The following SRSF6 variants were observed in gnomAD, a reference collection of about 807,000 sequenced individuals.
The protein encoded by SRSF6 is serine and arginine rich splicing factor 6.
SRSF6 carries 17 observed loss-of-function variants against 42.0 expected under a neutral mutation model. The observed-to-expected ratio is 0.40, with a 90% CI of 0.28 to 0.61. The LOEUF (loss-of-function observed/expected upper bound fraction) is 0.61. SRSF6 is among the 20% of genes least tolerant of loss of function. The pLI is 0.37. For missense variants in SRSF6, 379 were observed against 471.4 expected (o/e 0.80, Z 1.81); for synonymous variants, 204 against 166.7 (o/e 1.22, Z -1.72).
intron 2 of SRSF6, chr20:43,459,434 G>A (rs2145322447): frequency 3.2e-6 from 4 of 1,253,698 alleles, no homozygotes; most frequent in Non-Finnish European, 4.1e-6. Context: ...AGTACTTAGT[G>A]TAAAACTAGT....
rs1406447674 is a variant in SRSF6 at position 43,461,517 on chromosome 20, A to G, written c.*454A>G. Reference sequence around the variant, plus strand: ...TTATGTTGGCTTTTTATAAAGCTTGAGTTATGTAAGATTTAAATAAAAGTT... The same window carrying G: ...TTATGTTGGCTTTTTATAAAGCTTGGGTTATGTAAGATTTAAATAAAAGTT... On this transcript the variant is annotated 3_prime_UTR_variant, in exon 6 of 6. Coordinates refer to ENST00000244020, the MANE Select transcript of SRSF6 (RefSeq NM_006275.6). The G allele has an allele frequency of 6.5e-6, 1 of 152,916 alleles. No individual in the cohort carries two copies. Among genetic ancestry groups the G allele is most frequent in the Non-Finnish European group, 1.5e-5 (1 of 68,462 alleles). 9.5% of individuals were successfully genotyped at this position (152,916 alleles called of 1,614,324 possible).
At position 43,461,197 on chromosome 20, in the gene SRSF6, C is replaced by T. The variant is rs2017584297; in HGVS notation, c.*134C>T. 7.7e-7 allele frequency: 1 copy of T among 1,296,754 alleles called. No homozygotes were observed. The highest frequency in any genetic ancestry group is 2.7e-5 in the East Asian group (1 of 37,302). The allele number at this position is 1,296,754 out of a possible 1,614,324, so 80.3% of individuals were successfully genotyped here. ...GGGCACACAGAAATTTGATTTGTGG[C>T]CAAATTGGATGAAAAAGATGAGGCT... On this transcript the variant is annotated 3_prime_UTR_variant, in exon 6 of 6. Transcript: ENST00000244020.
Position 43,462,978 on chromosome 20 carries a change from C to G in SRSF6, c.*1915C>G, listed in dbSNP as rs1030691404. The G allele has an allele frequency of 3.3e-5, 5 of 152,578 alleles. No homozygotes were observed. The highest frequency in any genetic ancestry group is 1.2e-4 in the African/African-American group (5 of 41,438). The allele number at this position is 152,578 out of a possible 1,614,324, so 9.5% of individuals were successfully genotyped here. A position where few individuals can be genotyped will look rare whatever the true frequency, so the allele number is the denominator to read the frequency against. ...GCTTTGACCAAAGTTCTCTTGTTTT[C>G]AGGGAAAGAACATAAAAGCTTTTTG... On this transcript the variant is annotated 3_prime_UTR_variant, in exon 6 of 6. Transcript: ENST00000244020.
rs967607710 is a variant in SRSF6 at position 43,462,492 on chromosome 20, A to G, written c.*1429A>G. 4 of 152,216 alleles carry G rather than the reference A, an allele frequency of 2.6e-5. No individual in the cohort carries two copies. The South Asian group carries it at 6.2e-4, about 24-fold the overall frequency. The allele number at this position is 152,216 out of a possible 1,614,324, so 9.4% of individuals were successfully genotyped here. A position where few individuals can be genotyped will look rare whatever the true frequency, so the allele number is the denominator to read the frequency against. ...TAATACCTTTCTAGGAGGTGTCACA[A>G]TGTAGGGTACCAAGGGTTGGATTGT... is the stretch of plus-strand genomic sequence containing the variant. On this transcript the variant is annotated 3_prime_UTR_variant, in exon 6 of 6. Coordinates refer to ENST00000244020, the MANE Select transcript of SRSF6 (RefSeq NM_006275.6).
chr20:43,458,654 C>G, intron 2 of SRSF6, 145 bp downstream of exon 2: 2 of 867,376 alleles, frequency 2.3e-6, no homozygotes, highest in Non-Finnish European at 3.3e-6. Flanking sequence ...TCACGTCTGC[C>G]CGGGGCAGCC....
Position 43,461,338 on chromosome 20 carries a change from T to TTTTTTTTG in SRSF6, c.*282_*283insGTTTTTTT. On this transcript the variant is annotated 3_prime_UTR_variant, in exon 6 of 6. Coordinates refer to ENST00000244020, the MANE Select transcript of SRSF6 (RefSeq NM_006275.6). ...TAAAGATTAAGCTCATTTAGTGTTG[T>TTTTTTTTG]TTTTTTTTTTTTTTTTTTTTTTTTT... The TTTTTTTTG allele has an allele frequency of 6.5e-5, 1 of 15,342 alleles. No homozygotes were observed. The highest frequency in any genetic ancestry group is 1.4e-4 in the African/African-American group (1 of 7,180). The allele number at this position is 15,342 out of a possible 1,614,324, so 1.0% of individuals were successfully genotyped here.
chr20:43,463,607 G>C lies in SRSF6; in HGVS notation c.*2544G>C, dbSNP rs1409969352. 6.6e-6 allele frequency: 1 copy of C among 152,642 alleles called. No individual in the cohort carries two copies. The highest frequency in any genetic ancestry group is 1.5e-5 in the Non-Finnish European group (1 of 68,064). The allele number at this position is 152,642 out of a possible 1,614,324, so 9.5% of individuals were successfully genotyped here. On this transcript the variant is annotated 3_prime_UTR_variant, in exon 6 of 6. Transcript: ENST00000244020. The stretch of plus-strand genomic sequence containing the variant: ...CAATAAAATACTTACTGAGGGAAAG[G>C]CTTGTTTTGAGTTTATTGCATATGC...
rs2017622844 is a variant in SRSF6, at chr20:43,462,659, C to T, written c.*1596C>T. 6.6e-6 allele frequency: 1 copy of T among 152,114 alleles called. No individual in the cohort carries two copies. Among genetic ancestry groups the T allele is most frequent in the Non-Finnish European group, 1.5e-5 (1 of 68,016 alleles). The allele number at this position is 152,114 out of a possible 1,614,324, so 9.4% of individuals were successfully genotyped here. The stretch of plus-strand genomic sequence containing the variant: ...AAAAATTTGAGTCAAATATCTAGGG[C>T]ATTCACAGAGTAGCTGTGAGTTCTT... On this transcript the variant is annotated 3_prime_UTR_variant, in exon 6 of 6. Transcript: ENST00000244020.
In SRSF6 at chr20:43,460,515, G is replaced by A. The variant is rs377303167; in HGVS notation, c.591G>A (p.Arg197=). The change falls in exon 5 of 6, where the codon AGG becomes AGA. Residue 197 remains arginine, a splice_region_variant and synonymous_variant. Transcript: ENST00000244020. ...HRRSYSGSRS[R]SRSRRRSRSR... ...GACTTCATTGTTTTTCTCCTAATAGGTCTCGATCTAGAAGACGGTCACGAA... is the reference window on the plus strand; with the variant it reads ...GACTTCATTGTTTTTCTCCTAATAGATCTCGATCTAGAAGACGGTCACGAA... 78 of 1,613,800 alleles carry A rather than the reference G, an allele frequency of 4.8e-5. No homozygotes were observed. The African/African-American group carries it at 9.5e-4, about 20-fold the overall frequency.
In SRSF6 at chr20:43,458,374, G is replaced by T; in HGVS notation, c.121G>T (p.Glu41Ter). ...VDLKNGYGFV[E>*]FEDSRDADDA... ...CACCGCCCCTAGGTACGGCTTCGTG[G>T]AGTTCGAGGACTCCCGCGACGCCGA... Residue 41 changes from glutamate to a stop codon, truncating the protein, a stop_gained, in exon 2 of 6, where the codon GAG becomes TAG. Coordinates refer to ENST00000244020, the MANE Select transcript of SRSF6 (RefSeq NM_006275.6). LOFTEE classifies it high-confidence loss of function. The T allele has an allele frequency of 6.4e-7, 1 of 1,561,930 alleles. No homozygotes were observed. The highest frequency in any genetic ancestry group is 1.8e-5 in the Admixed American group (1 of 55,398).
chr20:43,458,170 C>T (rs1214399919), intron 1 of SRSF6, 30 bp downstream of exon 1: 4 of 1,592,296 alleles, frequency 2.5e-6, no homozygotes, highest in Non-Finnish European at 3.4e-6. Context: ...CCGCGCCCAG[C>T]GTCCCAGGCC....
At position 43,458,603 on chromosome 20, in the gene SRSF6, C is replaced by CG. The variant is rs1309005926; in HGVS notation, c.256+99dup. ...TCCCAGCCCGGGCAGGCGCGAGGGC[C>CG]GGGGGTCGTTTGACTTGGGTGTCCC... On this transcript the variant is annotated intron_variant, in intron 2 of 5. Transcript: ENST00000244020. 3 of 1,290,916 alleles carry CG rather than the reference C, an allele frequency of 2.3e-6. No individual in the cohort carries two copies. In the African/African-American group the frequency reaches 4.7e-5, roughly 20 times the overall value. 80.0% of individuals were successfully genotyped at this position (1,290,916 alleles called of 1,614,324 possible).
rs772255660 is a variant in SRSF6, at chr20:43,460,567, A to G, written c.643A>G (p.Arg215Gly). The change falls in exon 5 of 6, where the codon AGA becomes GGA. Residue 215 changes from arginine (R) to glycine (G), a missense_variant. Physicochemically the swap from Arg to Gly is moderately radical, Grantham distance 125. Transcript: ENST00000244020. ...TAGGAGTCGCAGGAGCAGCCGCAGTAGATCTCGAAGTATCTCAAAAAGTCG... is the reference window on the plus strand; with the variant it reads ...TAGGAGTCGCAGGAGCAGCCGCAGTGGATCTCGAAGTATCTCAAAAAGTCG... ...RSRSRRSSRS[R>G]SRSISKSRSR... The G allele has an allele frequency of 3.6e-5, 58 of 1,614,074 alleles. No homozygotes were observed. In the East Asian group the frequency reaches 1.1e-3, roughly 30 times the overall value.
At position 43,460,129 on chromosome 20, in the gene SRSF6, A is replaced by C. The variant is rs1308381999; in HGVS notation, c.478A>C (p.Lys160Gln). The C allele has an allele frequency of 1.2e-6, 2 of 1,614,232 alleles. No individual in the cohort carries two copies. Among genetic ancestry groups the C allele is most frequent in the South Asian group, 1.1e-5 (1 of 91,084 alleles). ...VIEFRSYSDMKRALDKLDGTE... is the reference protein window; with the variant it reads ...VIEFRSYSDMQRALDKLDGTE... ...TGAGTTTCGCTCCTACTCTGACATG[A>C]AGCGTGCTTTGGACAAACTGGATGG... is the stretch of plus-strand genomic sequence containing the variant. Residue 160 changes from lysine (K) to glutamine (Q), a missense_variant, in exon 4 of 6, where the codon AAG (lysine) becomes CAG (glutamine). Transcript: ENST00000244020.
intron 5 of SRSF6, 31 bp downstream of exon 5, chr20:43,460,629 T>C (rs778990373): frequency 6.2e-7 from 1 of 1,613,958 alleles, no homozygotes; most frequent in South Asian, 1.1e-5. Context: ...TCACTGTGAA[T>C]ATTACCGTAC....
chr20:43,459,702 C>A, intron 2 of SRSF6, 69 bp from the exon 3 acceptor site: 7 of 1,604,882 alleles, frequency 4.4e-6, no homozygotes, highest in Non-Finnish European at 6.0e-6. Context: ...TATGTTTGTA[C>A]TAACTTTCAA....
chr20:43,460,895 A>G lies in SRSF6; in HGVS notation c.867A>G (p.Ile289Met). ...RSPKENGKGD[I>M]KSKSRSRSQS... ...CTAAAGAAAATGGAAAGGGTGATAT[A>G]AAGTCAAAATCCAGATCAAGGAGCC... Residue 289 changes from isoleucine to methionine, a missense_variant, in exon 6 of 6, where the codon ATA (isoleucine) becomes ATG (methionine). Ile to Met is a conservative substitution (Grantham distance 10). Transcript: ENST00000244020. The G allele has an allele frequency of 1.2e-6, 2 of 1,614,116 alleles. No individual in the cohort carries two copies. Among genetic ancestry groups the G allele is most frequent in the East Asian group, 2.2e-5 (1 of 44,884 alleles).
rs374128199 is a variant in SRSF6 at position 43,458,008 on chromosome 20, C to A, written c.-26C>A. On this transcript the variant is annotated 5_prime_UTR_variant, in exon 1 of 6. Coordinates refer to ENST00000244020, the MANE Select transcript of SRSF6 (RefSeq NM_006275.6). ...TTGCGGTCCGCCGTTCGACAACCAG[C>A]CCTTGGGTCCCCGCCCGCCACGGAC... 3.1e-4 allele frequency: 491 copies of A among 1,595,250 alleles called. No homozygotes were observed. The highest frequency in any genetic ancestry group is 9.7e-4 in the Admixed American group (57 of 58,814).
At chr20:43,459,322 G>A in intron 2 of SRSF6, 1 of 1,352,116 alleles carries the variant, frequency 7.4e-7, no homozygotes, top group Non-Finnish European at 9.8e-7. Flanking sequence ...GTGATGGTGA[G>A]GATTCCAAGG....
Sources: allele counts gnomAD v4.1 joint callset, GRCh38; gene constraint gnomAD v4.1.1; transcripts MANE v1.5; gene names NCBI Gene and HGNC (gene_info 2026-07-23, HGNC 2026-07-21).